Variants in OTUD7A observed in about 807,000 individuals in gnomAD.
The protein encoded by OTUD7A is OTU domain-containing protein 7A.
In OTUD7A, 12 loss-of-function variants were observed where a neutral mutation model predicts 65.7. The ratio of observed to expected loss-of-function variants is 0.18; its 90% confidence interval spans 0.12 to 0.30. OTUD7A has a LOEUF of 0.30. Ranked by LOEUF, OTUD7A falls within the 10% of genes least tolerant of loss-of-function variation. The pLI, the probability that OTUD7A is intolerant of heterozygous loss-of-function variation, is 1.00. For missense variants in OTUD7A, 1,148 were observed against 1,304.8 expected (o/e 0.88, Z 1.85); for synonymous variants, 641 against 586.3 (o/e 1.09, Z -1.35).
At chr15:31,774,071 AGCCATGCACTAT>A (rs1262031038) in intron 1 of OTUD7A, among the ~76,000 whole-genome samples, 1 of 152,262 alleles carries the variant, frequency 6.6e-6, no homozygotes, top group Non-Finnish European at 1.5e-5. Flanking sequence ...GCAGCCACAC[AGCCATGCACTAT>A]GAGAGAATAG....
At chr15:31,802,753 TTAAA>T (rs1176315778) in intron 1 of OTUD7A, among the ~76,000 whole-genome samples, 2 of 152,224 alleles carry the variant, frequency 1.3e-5, no homozygotes, top group African/African-American at 4.8e-5. Flanking sequence ...TAGAAAATAA[TTAAA>T]TAAAGTCATA....
chr15:31,862,346 T>A (rs773183248), intron 1 of OTUD7A, among the ~76,000 whole-genome samples: 1 of 152,204 alleles, frequency 6.6e-6, no homozygotes, highest in Non-Finnish European at 1.5e-5. Context: ...GAGTTCACTA[T>A]CTACTCTGAG....
chr15:31,766,820 G>A, intron 1 of OTUD7A: 1 of 1,612,648 alleles, frequency 6.2e-7, no homozygotes, highest in South Asian at 1.1e-5. Flanking sequence ...TCTAAAAACA[G>A]TTTATTATTT....
At chr15:31,541,825 C>T (rs984042430) in intron 5 of OTUD7A, among the ~76,000 whole-genome samples, 4 of 152,064 alleles carry the variant, frequency 2.6e-5, no homozygotes, top group South Asian at 4.1e-4. Flanking sequence ...GAGTTAGGAT[C>T]CTCAAAAACT....
chr15:31,496,835 A>C (rs1198228064), intron 10 of OTUD7A, among the ~76,000 whole-genome samples: 2 of 152,240 alleles, frequency 1.3e-5, no homozygotes, highest in Non-Finnish European at 2.9e-5. Context: ...GATCCCTAGC[A>C]GACACTTATA....
intron 10 of OTUD7A, among the ~76,000 whole-genome samples, chr15:31,494,591 A>T (rs2041358662): frequency 6.6e-6 from 1 of 152,270 alleles, no homozygotes; most frequent in Non-Finnish European, 1.5e-5. Flanking sequence ...GAGAGCGTTC[A>T]GCATCTAACA....
At chr15:31,801,917 T>C (rs1322415839) in intron 1 of OTUD7A, among the ~76,000 whole-genome samples, 2 of 151,748 alleles carry the variant, frequency 1.3e-5, no homozygotes, top group Admixed American at 6.6e-5. Context: ...TTGACACACA[T>C]GGTGTACGCA....
At chr15:31,821,412 G>A (rs1346453294) in intron 1 of OTUD7A, among the ~76,000 whole-genome samples, 1 of 150,390 alleles carries the variant, frequency 6.6e-6, no homozygotes, top group Non-Finnish European at 1.5e-5. Context: ...CCAAAGTGCT[G>A]AGATTACAGG....
intron 3 of OTUD7A, among the ~76,000 whole-genome samples, chr15:31,572,173 G>A (rs974443416): frequency 1.3e-5 from 2 of 152,152 alleles, no homozygotes; most frequent in African/African-American, 4.8e-5. Context: ...AATTCTATAT[G>A]TTCAGAATTC....
intron 1 of OTUD7A, among the ~76,000 whole-genome samples, chr15:31,866,247 A>ACTCT (rs1897872424): frequency 6.6e-6 from 1 of 152,222 alleles, no homozygotes; most frequent in Non-Finnish European, 1.5e-5. Flanking sequence ...CCCTTTGCCA[A>ACTCT]GAGGAACCTA....
intron 8 of OTUD7A, among the ~76,000 whole-genome samples, chr15:31,524,567 G>A (rs991582040): frequency 7.1e-5 from 8 of 112,228 alleles, no homozygotes; most frequent in South Asian, 3.2e-4. Context: ...CCCTCCTTCC[G>A]TTCCCCCAAC....
intron 3 of OTUD7A, among the ~76,000 whole-genome samples, chr15:31,648,289 G>C (rs143400082): frequency 6.6e-5 from 10 of 152,330 alleles, no homozygotes; most frequent in Non-Finnish European, 1.0e-4. Flanking sequence ...ACTGAAGCAA[G>C]AAGGGAAGAA....
At chr15:31,562,374 G>A (rs1007247653) in intron 4 of OTUD7A, among the ~76,000 whole-genome samples, 2 of 152,184 alleles carry the variant, frequency 1.3e-5, no homozygotes, top group African/African-American at 4.8e-5. Context: ...CCAGGCAGCC[G>A]GAGACAGGCC....
At chr15:31,819,959 G>T (rs1314422413) in intron 1 of OTUD7A, among the ~76,000 whole-genome samples, 3 of 152,122 alleles carry the variant, frequency 2.0e-5, no homozygotes, top group Non-Finnish European at 2.9e-5. Flanking sequence ...TCCACACTGT[G>T]AAATGGTTAT....
intron 1 of OTUD7A, among the ~76,000 whole-genome samples, chr15:31,838,478 A>G (rs1020909178): frequency 1.3e-5 from 2 of 152,064 alleles, no homozygotes; most frequent in African/African-American, 2.4e-5. Context: ...CCAGGTCTCC[A>G]AGCCAGGCCT....
intron 1 of OTUD7A, among the ~76,000 whole-genome samples, chr15:31,815,913 G>A (rs1459441900): frequency 6.6e-6 from 1 of 152,162 alleles, no homozygotes. Flanking sequence ...TGGGAGAAAG[G>A]TCCCCACCAT....
At chr15:31,526,804 G>C (rs1205950162) in intron 7 of OTUD7A, among the ~76,000 whole-genome samples, 1 of 152,162 alleles carries the variant, frequency 6.6e-6, no homozygotes. Flanking sequence ...CCATGGTTGG[G>C]GACAATCGGG....
intron 10 of OTUD7A, among the ~76,000 whole-genome samples, chr15:31,490,587 C>T (rs916713311): frequency 1.3e-5 from 2 of 152,164 alleles, no homozygotes; most frequent in Admixed American, 1.3e-4. Flanking sequence ...CAGACATGAG[C>T]TTAAGAAGGG....
chr15:31,800,044 G>A (rs1229737919), intron 1 of OTUD7A, among the ~76,000 whole-genome samples: 1 of 152,194 alleles, frequency 6.6e-6, no homozygotes, highest in Non-Finnish European at 1.5e-5. Context: ...CGCAGAAAGT[G>A]AGAAGGCTGG....
Sources: gnomAD v4.1 joint callset for allele counts (sites outside exome capture counted in the v4.1 genomes callset) on GRCh38, gnomAD v4.1.1 for gene constraint, MANE v1.5 for transcripts, NCBI Gene and HGNC (gene_info 2026-07-23, HGNC 2026-07-21) for gene names.